Variants in ARSB observed in about 807,000 individuals in gnomAD.
ARSB encodes the protein N-acetylgalactosamine-4-sulfatase.
A neutral mutation model predicts 50.9 loss-of-function variants in ARSB; 41 were observed. The ratio of observed to expected loss-of-function variants is 0.81; its 90% CI spans 0.63 to 1.04. The LOEUF is 1.04. Among genes scored for constraint, ARSB ranks in the 50% least tolerant of loss-of-function variants. The pLI, the probability that ARSB is intolerant of heterozygous loss-of-function variation, is 0.00. For missense variants in ARSB, 672 were observed against 693.3 expected (o/e 0.97, Z 0.35); for synonymous variants, 269 against 284.8 (o/e 0.94, Z 0.56).
At chr5:78,839,242 A>G in intron 6 of ARSB, 114 bp downstream of exon 6, 1 of 1,011,344 alleles carries the variant, frequency 9.9e-7, no homozygotes, top group Non-Finnish European at 1.6e-6. Context: ...AGAACTGTTT[A>G]CCTTTATAGC....
chr5:78,974,392 T>TA (rs1752581961), intron 1 of ARSB, among the ~76,000 whole-genome samples: 1 of 152,118 alleles, frequency 6.6e-6, no homozygotes, highest in Admixed American at 6.5e-5. Context: ...ATGTTGTTTG[T>TA]AAAAAAGAAT....
intron 3 of ARSB, among the ~76,000 whole-genome samples, chr5:78,955,770 A>C (rs1430491612): frequency 6.6e-6 from 1 of 152,160 alleles, no homozygotes; most frequent in Non-Finnish European, 1.5e-5. Context: ...AAGGCAATAA[A>C]CACATGTAAA....
At chr5:78,907,351 T>C (rs1438082613) in intron 4 of ARSB, among the ~76,000 whole-genome samples, 1 of 152,220 alleles carries the variant, frequency 6.6e-6, no homozygotes, top group Non-Finnish European at 1.5e-5. Context: ...TTCCCTCGCC[T>C]TCTCTCAACG....
chr5:78,893,073 C>T (rs558779717), intron 4 of ARSB, among the ~76,000 whole-genome samples: 9 of 152,286 alleles, frequency 5.9e-5, no homozygotes, highest in South Asian at 4.2e-4. Flanking sequence ...GGCAGATTCC[C>T]CCATACTGTT....
chr5:78,960,327 A>G (rs1751926289), intron 3 of ARSB, among the ~76,000 whole-genome samples: 2 of 152,102 alleles, frequency 1.3e-5, no homozygotes, highest in South Asian at 2.1e-4. Context: ...AGAAAGTCTT[A>G]TTTTCATTTC....
intron 4 of ARSB, among the ~76,000 whole-genome samples, chr5:78,943,109 C>CT (rs1169639062): frequency 1.3e-5 from 2 of 152,020 alleles, no homozygotes; most frequent in East Asian, 1.9e-4. Flanking sequence ...CAATCCCTGC[C>CT]TTTTTTTGTT....
intron 6 of ARSB, among the ~76,000 whole-genome samples, chr5:78,803,077 G>A (rs1743453163): frequency 6.6e-6 from 1 of 152,214 alleles, no homozygotes; most frequent in Non-Finnish European, 1.5e-5. Flanking sequence ...GGTTGTGTTT[G>A]CTCTCCTTCA....
rs1748806000 is a variant in ARSB, at chr5:78,777,631, T to A, written c.*2766A>T. The A allele has an allele frequency of 6.6e-6, 1 of 152,482 alleles. No homozygotes were observed. The highest frequency in any genetic ancestry group is 2.1e-4 in the South Asian group (1 of 4,828). 9.4% of individuals were successfully genotyped at this position (152,482 alleles called of 1,614,324 possible). On this transcript the variant is annotated 3_prime_UTR_variant, in exon 8 of 8. Coordinates refer to ENST00000264914, the MANE Select transcript of ARSB (RefSeq NM_000046.5). Reference sequence around the variant, plus strand: ...GCTTTGGGAAGCTGAAGTGGGTGGATCACTTGAGGTCAGGAGTTTGAGACC... The same window carrying A: ...GCTTTGGGAAGCTGAAGTGGGTGGAACACTTGAGGTCAGGAGTTTGAGACC...
At chr5:78,879,606 C>T (rs1013875952) in intron 5 of ARSB, among the ~76,000 whole-genome samples, 1 of 152,188 alleles carries the variant, frequency 6.6e-6, no homozygotes, top group Admixed American at 6.5e-5. Flanking sequence ...ACCATCATCT[C>T]GAAAGTGGTA....
intron 4 of ARSB, among the ~76,000 whole-genome samples, chr5:78,901,328 A>G (rs1448711246): frequency 6.6e-6 from 1 of 152,156 alleles, no homozygotes; most frequent in Admixed American, 6.5e-5. Context: ...TACTCTGCCT[A>G]CCACAAACAT....
chr5:78,932,316 C>A (rs1399209968), intron 4 of ARSB, among the ~76,000 whole-genome samples: 1 of 152,228 alleles, frequency 6.6e-6, no homozygotes, highest in African/African-American at 2.4e-5. Context: ...GCAACGCTAA[C>A]CTTTCTGCAT....
chr5:78,863,056 G>A (rs927491101), intron 5 of ARSB, among the ~76,000 whole-genome samples: 1 of 152,162 alleles, frequency 6.6e-6, no homozygotes, highest in Non-Finnish European at 1.5e-5. Flanking sequence ...ACCACAATGA[G>A]ATACTATCTC....
chr5:78,780,876 A>G (rs981338406), intron 7 of ARSB, among the ~76,000 whole-genome samples: 2 of 152,160 alleles, frequency 1.3e-5, no homozygotes, highest in African/African-American at 4.8e-5. Flanking sequence ...GACACCCAGA[A>G]ACGTGTGTGC....
Position 78,917,764 on chromosome 5 carries a change from C to T in ARSB, c.899-31937G>A, listed in dbSNP as rs1175638021. Among the ~76,000 whole-genome samples, 10 of 152,156 alleles carry T rather than the reference C, an allele frequency of 6.6e-5. 1 individual carries two copies. Among genetic ancestry groups the T allele is most frequent in the African/African-American group, 2.2e-4 (9 of 41,412 alleles). On this transcript the variant is annotated intron_variant, in intron 4 of 7. Transcript: ENST00000264914. ...CTAACCTCAAGTGATCCACCCACCT[C>T]GGCCTCCCAAAGTGCTGGGATTACA...
intron 1 of ARSB, among the ~76,000 whole-genome samples, chr5:78,977,033 G>C (rs1580156615): frequency 6.6e-6 from 1 of 152,154 alleles, no homozygotes. Flanking sequence ...TCAGGCCTCT[G>C]CTCATACTAC....
rs377478895 is a variant in ARSB, at chr5:78,807,875, C to T, written c.1214-25901G>A. Among the ~76,000 whole-genome samples, 106 of 151,974 alleles carry T rather than the reference C, an allele frequency of 7.0e-4. 1 individual carries two copies. The East Asian group carries it at 8.7e-3, about 12-fold the overall frequency. On this transcript the variant is annotated intron_variant, in intron 6 of 7. Coordinates refer to ENST00000264914, the MANE Select transcript of ARSB (RefSeq NM_000046.5). ...TTGGGAGGCCGAGGCGGGCGGATCA[C>T]GAGGTCAGGAGATCGAGACCATCCC...
intron 4 of ARSB, among the ~76,000 whole-genome samples, chr5:78,927,606 T>C (rs899564855): frequency 5.3e-5 from 8 of 152,120 alleles, no homozygotes; most frequent in African/African-American, 1.2e-4. Flanking sequence ...AAAACAGAGA[T>C]AGTAAAGAAA....
At chr5:78,976,186 A>C (rs1752652868) in intron 1 of ARSB, among the ~76,000 whole-genome samples, 1 of 152,088 alleles carries the variant, frequency 6.6e-6, no homozygotes, top group African/African-American at 2.4e-5. Flanking sequence ...GACAGGCTGA[A>C]AAGATCCTCA....
chr5:78,812,626 CACACAT>C (rs879819117), intron 6 of ARSB, among the ~76,000 whole-genome samples: 112 of 145,506 alleles, frequency 7.7e-4, no homozygotes, highest in South Asian at 2.7e-3. Flanking sequence ...CACACACACA[CACACAT>C]GATATCACAA....
Sources: allele counts gnomAD v4.1 joint callset (sites outside exome capture counted in the v4.1 genomes callset), GRCh38; gene constraint gnomAD v4.1.1; transcripts MANE v1.5; gene names NCBI Gene and HGNC (gene_info 2026-07-23, HGNC 2026-07-21).